The following RUNX1T1 variants were observed in gnomAD, a reference collection of about 807,000 sequenced individuals.
The protein encoded by RUNX1T1 is RUNX1 partner transcriptional co-repressor 1.
A neutral mutation model predicts 62.8 loss-of-function variants in RUNX1T1; 4 were observed. The observed-to-expected ratio is 0.06, with a 90% CI of 0.03 to 0.15. The LOEUF is 0.15. RUNX1T1 is among the 10% of genes least tolerant of loss of function. The pLI is 1.00. For synonymous variants in RUNX1T1, 291 were observed against 286.0 expected (o/e 1.02, Z -0.18); for missense variants, 508 against 754.3 (o/e 0.67, Z 3.82).
chr8:92,043,741 C>G (rs1225692968), intron 1 of RUNX1T1, among the ~76,000 whole-genome samples: 2 of 152,046 alleles, frequency 1.3e-5, no homozygotes, highest in African/African-American at 4.8e-5. Flanking sequence ...CTCTGGTAGG[C>G]TGAGGCGGAT....
chr8:92,092,567 T>C (rs1837194004), intron 1 of RUNX1T1, among the ~76,000 whole-genome samples: 1 of 152,186 alleles, frequency 6.6e-6, no homozygotes, highest in Non-Finnish European at 1.5e-5. Context: ...GCAAGAACAG[T>C]GTTAACTTTG....
intron 1 of RUNX1T1, among the ~76,000 whole-genome samples, chr8:92,056,496 C>G (rs980533035): frequency 6.6e-6 from 1 of 151,924 alleles, no homozygotes; most frequent in African/African-American, 2.4e-5. Flanking sequence ...TAAAAGAATC[C>G]CTCTAATAAA....
intron 1 of RUNX1T1, among the ~76,000 whole-genome samples, chr8:92,025,629 C>T (rs1196369667): frequency 6.6e-6 from 1 of 152,198 alleles, no homozygotes; most frequent in African/African-American, 2.4e-5. Flanking sequence ...TGTCTAGATC[C>T]CTCCTGCAGC....
chr8:91,984,757 AT>A (rs1008531158), intron 8 of RUNX1T1, among the ~76,000 whole-genome samples: 16 of 151,894 alleles, frequency 1.1e-4, no homozygotes, highest in Non-Finnish European at 2.2e-4. Flanking sequence ...TAAACACAAG[AT>A]TTTTTTTTCC....
At chr8:92,007,555 G>T (rs745965145) in intron 4 of RUNX1T1, among the ~76,000 whole-genome samples, 9 of 151,784 alleles carry the variant, frequency 5.9e-5, no homozygotes, top group Admixed American at 3.9e-4. Flanking sequence ...ACATGATTTC[G>T]TCACGCAAAC....
chr8:92,083,182 C>T (rs1325422847), intron 1 of RUNX1T1, among the ~76,000 whole-genome samples: 2 of 152,162 alleles, frequency 1.3e-5, no homozygotes, highest in Non-Finnish European at 2.9e-5. Flanking sequence ...GGCTTGACCA[C>T]TTCGCAGTTT....
At chr8:91,959,462 GTGTGTATATGTGCGTGTGTGTGTGTGTA>G (rs1809959946) in exon 11 of RUNX1T1, 3 of 109,478 alleles carry the variant, frequency 2.7e-5, no homozygotes, top group East Asian at 1.1e-4. Context: ...GTGTGTGTGT[GTGTGTATATGTGCGTGTGTGTGTGTGTA>G]TATATATATA....
rs148156068 is a variant in RUNX1T1 at position 92,035,210 on chromosome 8, G to A, written c.8-17847C>T. On this transcript the variant is annotated intron_variant, in intron 1 of 10. Coordinates refer to ENST00000396218, the Ensembl canonical transcript of RUNX1T1. ...CTTGGGAGGCTGAGGCAGGAGAATC[G>A]CTTGAACCCGGGAAGCAGAGGTTGC... 6.1e-3 allele frequency among the ~76,000 whole-genome samples: 921 copies of A among 151,476 alleles called. 6 individuals are homozygous for A. Among genetic ancestry groups the A allele is most frequent in the Non-Finnish European group, 9.4e-3 (641 of 67,924 alleles).
chr8:91,964,420 T>C (rs1811156666), intron 10 of RUNX1T1, among the ~76,000 whole-genome samples: 1 of 152,092 alleles, frequency 6.6e-6, no homozygotes, highest in Non-Finnish European at 1.5e-5. Context: ...TTAAATATAA[T>C]AGAATGATTG....
intron 1 of RUNX1T1, among the ~76,000 whole-genome samples, chr8:92,024,155 T>C (rs1824665420): frequency 1.3e-5 from 2 of 152,156 alleles, no homozygotes; most frequent in South Asian, 4.1e-4. Context: ...AATCCCTACT[T>C]TGCCTAAAAC....
chr8:92,077,592 G>T (rs1350937322), intron 1 of RUNX1T1, among the ~76,000 whole-genome samples: 1 of 151,884 alleles, frequency 6.6e-6, no homozygotes, highest in Non-Finnish European at 1.5e-5. Flanking sequence ...TTTTATATAG[G>T]CTAAACAAAT....
chr8:92,009,079 G>A (rs1432863001), intron 4 of RUNX1T1, among the ~76,000 whole-genome samples: 2 of 152,232 alleles, frequency 1.3e-5, no homozygotes, highest in African/African-American at 2.4e-5. Context: ...AAATTTAAAC[G>A]TATGGATGGT....
At chr8:92,078,089 GTACAAA>G (rs1298779085) in intron 1 of RUNX1T1, among the ~76,000 whole-genome samples, 1 of 151,772 alleles carries the variant, frequency 6.6e-6, no homozygotes, top group African/African-American at 2.4e-5. Context: ...TTAACATAGT[GTACAAA>G]TACAGTTTCA....
chr8:92,101,301 G>C, upstream of RUNX1T1, among the ~76,000 whole-genome samples: 1 of 152,114 alleles, frequency 6.6e-6, no homozygotes, highest in East Asian at 1.9e-4. Context: ...ACAGGCTCTG[G>C]GCAGATTAAT....
At chr8:92,065,142 C>G (rs931745969), upstream of RUNX1T1, among the ~76,000 whole-genome samples, 1 of 151,996 alleles carries the variant, frequency 6.6e-6, no homozygotes, top group Non-Finnish European at 1.5e-5. Flanking sequence ...TAGTTCTACA[C>G]AGTTACTCAG....
intron 1 of RUNX1T1, among the ~76,000 whole-genome samples, chr8:92,087,360 C>G (rs1016798804): frequency 2.0e-5 from 3 of 148,354 alleles, no homozygotes; most frequent in Non-Finnish European, 4.4e-5. Context: ...TTAATTTATT[C>G]TCTCTCCACC....
rs563441771 is a variant in RUNX1T1, at chr8:91,985,247, T to C, written c.1198+877A>G. On this transcript the variant is annotated intron_variant, in intron 8 of 10. Coordinates refer to ENST00000396218, the Ensembl canonical transcript of RUNX1T1. ...CCTTCGTAAGTTTACTCAAAAAGTA[T>C]TCACACGTAATGGGTGGCAATGTCA... Among the ~76,000 whole-genome samples, 2 of 152,274 alleles carry C rather than the reference T, an allele frequency of 1.3e-5. 1 individual carries two copies. Among genetic ancestry groups the C allele is most frequent in the South Asian group, 4.1e-4 (2 of 4,826 alleles).
chr8:91,986,837 C>T (rs753725954), intron 7 of RUNX1T1, 50 bp downstream of exon 8: 2 of 1,158,366 alleles, frequency 1.7e-6, no homozygotes, highest in Non-Finnish European at 2.6e-6. Context: ...AACCTCACTC[C>T]AGTTGTTTTC....
At chr8:91,974,969 T>C (rs189452537) in intron 9 of RUNX1T1, among the ~76,000 whole-genome samples, 1 of 152,288 alleles carries the variant, frequency 6.6e-6, no homozygotes, top group East Asian at 1.9e-4. Context: ...AAATCTTCTG[T>C]AGAAAAAAAC....
Sources: allele counts gnomAD v4.1 joint callset (sites outside exome capture counted in the v4.1 genomes callset), GRCh38; gene constraint gnomAD v4.1.1; transcripts MANE v1.5; gene names NCBI Gene and HGNC (gene_info 2026-07-23, HGNC 2026-07-21).